The following LRMDA variants were observed in gnomAD, a reference collection of about 807,000 sequenced individuals.
LRMDA encodes leucine-rich melanocyte differentiation-associated protein.
LRMDA carries 18 observed loss-of-function variants against 29.8 expected under a neutral mutation model. The observed-to-expected ratio is 0.60, with a 90% CI of 0.42 to 0.90. LRMDA has a LOEUF of 0.90. LRMDA is among the 40% of genes least tolerant of loss of function. The probability of loss-of-function intolerance (pLI) is 0.00; values close to 1 mark genes in which losing one functional copy is unlikely to be tolerated. For synonymous variants in LRMDA, 125 were observed against 109.4 expected (o/e 1.14, Z -0.89); for missense variants, 273 against 273.9 (o/e 1.00, Z 0.02).
intron 5 of LRMDA, among the ~76,000 whole-genome samples, chr10:76,099,809 A>G (rs1482098450): frequency 3.3e-5 from 5 of 152,174 alleles, no homozygotes; most frequent in Non-Finnish European, 7.4e-5. Context: ...CACACTTTGT[A>G]TTATTTAAAT....
At chr10:76,268,630 T>C (rs1840032623) in intron 5 of LRMDA, among the ~76,000 whole-genome samples, 1 of 152,206 alleles carries the variant, frequency 6.6e-6, no homozygotes, top group Non-Finnish European at 1.5e-5. Context: ...CTTACAGCGA[T>C]AAAATGGCAG....
At chr10:76,180,337 G>A (rs1851022834) in intron 5 of LRMDA, among the ~76,000 whole-genome samples, 2 of 140,726 alleles carry the variant, frequency 1.4e-5, no homozygotes, top group South Asian at 2.3e-4. Context: ...CCCGGCTGGA[G>A]TGCAATGGCG....
At chr10:76,506,512 A>G (rs150240435) in intron 6 of LRMDA, among the ~76,000 whole-genome samples, 414 of 151,954 alleles carry the variant, frequency 2.7e-3, no homozygotes, top group Admixed American at 5.4e-3. Context: ...CTTTTCATAC[A>G]TTTTTTCACC....
chr10:75,530,359 G>T (rs1845462700), intron 2 of LRMDA, among the ~76,000 whole-genome samples: 1 of 152,148 alleles, frequency 6.6e-6, no homozygotes, highest in African/African-American at 2.4e-5. Flanking sequence ...ACTCTCCCAA[G>T]GGAGGAGTTC....
At chr10:76,403,357 G>A (rs1389608973) in intron 6 of LRMDA, 1 of 151,736 alleles carries the variant, frequency 6.6e-6, no homozygotes, top group Non-Finnish European at 1.5e-5. Flanking sequence ...TTAGAGGTGG[G>A]AAAAGGCAGG....
At chr10:75,867,698 T>C (rs932717441) in intron 2 of LRMDA, among the ~76,000 whole-genome samples, 3 of 152,210 alleles carry the variant, frequency 2.0e-5, no homozygotes, top group African/African-American at 7.2e-5. Context: ...ATATGAAATC[T>C]GGGGACTCAG....
At chr10:75,632,789 T>G (rs1210757116) in intron 2 of LRMDA, among the ~76,000 whole-genome samples, 1 of 135,250 alleles carries the variant, frequency 7.4e-6, no homozygotes, top group Non-Finnish European at 1.6e-5. Flanking sequence ...TTAGTTTTTT[T>G]TTTTTTTTTT....
chr10:75,787,049 G>A (rs1238516020), intron 2 of LRMDA, among the ~76,000 whole-genome samples: 3 of 152,204 alleles, frequency 2.0e-5, no homozygotes. Context: ...TGTCTGTGCT[G>A]TCGCCAAGGA....
At chr10:76,175,622 C>G (rs923024544) in intron 5 of LRMDA, among the ~76,000 whole-genome samples, 2 of 152,160 alleles carry the variant, frequency 1.3e-5, no homozygotes, top group African/African-American at 4.8e-5. Flanking sequence ...ACTGAGTGCT[C>G]GAGTTTGCTC....
chr10:75,893,474 CA>C (rs1174008015), intron 2 of LRMDA, among the ~76,000 whole-genome samples: 3 of 152,128 alleles, frequency 2.0e-5, no homozygotes, highest in Admixed American at 6.5e-5. Context: ...CATGAAATGC[CA>C]AATAACAGAA....
intron 2 of LRMDA, among the ~76,000 whole-genome samples, chr10:75,551,531 T>C (rs955515250): frequency 2.6e-5 from 4 of 151,412 alleles, no homozygotes; most frequent in African/African-American, 4.8e-5. Flanking sequence ...CCCCTCCCTG[T>C]GTCCATGTGT....
At chr10:75,481,712 T>G (rs998132813) in intron 2 of LRMDA, among the ~76,000 whole-genome samples, 16 of 152,220 alleles carry the variant, frequency 1.1e-4, no homozygotes, top group African/African-American at 3.9e-4. Context: ...GCTGTTAGGA[T>G]GAAGGCAAAC....
intron 2 of LRMDA, among the ~76,000 whole-genome samples, chr10:75,565,785 A>G (rs1840364740): frequency 6.6e-6 from 1 of 152,234 alleles, no homozygotes; most frequent in African/African-American, 2.4e-5. Flanking sequence ...TGATTAAAGG[A>G]CAGAGGAGGC....
intron 2 of LRMDA, among the ~76,000 whole-genome samples, chr10:75,946,883 C>T (rs1434921074): frequency 1.3e-5 from 2 of 152,292 alleles, no homozygotes; most frequent in African/African-American, 2.4e-5. Flanking sequence ...AACAACACTG[C>T]AGAACTCTAA....
At chr10:75,501,166 CT>C (rs545281516) in intron 2 of LRMDA, among the ~76,000 whole-genome samples, 50 of 151,360 alleles carry the variant, frequency 3.3e-4, no homozygotes, top group Middle Eastern at 3.4e-3. Context: ...TTTAAAATGC[CT>C]TTTTTTTTCC....
chr10:76,386,758 G>A (rs890614161), intron 6 of LRMDA, among the ~76,000 whole-genome samples: 6 of 151,880 alleles, frequency 4.0e-5, no homozygotes, highest in African/African-American at 1.2e-4. Flanking sequence ...TATATCTGTA[G>A]CATTATAAGC....
intron 1 of LRMDA, among the ~76,000 whole-genome samples, chr10:75,436,023 C>T (rs1478462665): frequency 1.4e-5 from 2 of 147,028 alleles, no homozygotes; most frequent in Non-Finnish European, 3.0e-5. Context: ...AGTTTGAGAT[C>T]AGCCTGAGCA....
At chr10:75,752,476 C>T (rs369681424) in intron 2 of LRMDA, among the ~76,000 whole-genome samples, 8 of 152,300 alleles carry the variant, frequency 5.3e-5, no homozygotes, top group African/African-American at 1.4e-4. Flanking sequence ...TCCCAAAGTG[C>T]TGGGATTACA....
At chr10:75,928,166 T>TG (rs1293434829) in intron 2 of LRMDA, among the ~76,000 whole-genome samples, 2 of 151,874 alleles carry the variant, frequency 1.3e-5, no homozygotes, top group East Asian at 3.9e-4. Flanking sequence ...ACTCTTGGGG[T>TG]GGGGGGTGAA....
Sources: gnomAD v4.1 joint callset for allele counts (sites outside exome capture counted in the v4.1 genomes callset) on GRCh38, gnomAD v4.1.1 for gene constraint, MANE v1.5 for transcripts, NCBI Gene and HGNC (gene_info 2026-07-23, HGNC 2026-07-21) for gene names.